The following TBCD variants were observed in gnomAD, a reference collection of about 807,000 sequenced individuals.
TBCD encodes the protein tubulin folding cofactor D, also known as tubulin-specific chaperone D.
In TBCD, 105 loss-of-function variants were observed where a neutral mutation model predicts 169.3. That is an observed-to-expected ratio of 0.62 (90% CI 0.53 to 0.73). The LOEUF is 0.73. Ranked by LOEUF, TBCD falls within the 30% of genes least tolerant of loss-of-function variation. The pLI is 0.00. For missense variants in TBCD, 1,444 were observed against 1,600.1 expected (o/e 0.90, Z 1.66); for synonymous variants, 700 against 643.9 (o/e 1.09, Z -1.32).
At position 82,908,739 on chromosome 17, in the gene TBCD, C is replaced by T. The variant is rs62076064; in HGVS notation, c.1984-546C>T. On this transcript the variant is annotated intron_variant, in intron 21 of 38. Coordinates refer to ENST00000355528, the MANE Select transcript of TBCD (RefSeq NM_005993.5). ...GCCATGAACGTGGCCTCCCCACTGA[C>T]GCTGAGCCATGGCTCCCTTTTTTCA... is the stretch of plus-strand genomic sequence containing the variant. Among the ~76,000 whole-genome samples the T allele has an allele frequency of 9.6e-3, 1,456 of 152,290 alleles. 11 individuals are homozygous for T. Among genetic ancestry groups the T allele is most frequent in the Middle Eastern group, 0.02 (6 of 294 alleles).
intron 2 of TBCD, among the ~76,000 whole-genome samples, chr17:82,761,139 T>G (rs1285664383): frequency 6.6e-6 from 1 of 152,148 alleles, no homozygotes; most frequent in Non-Finnish European, 1.5e-5. Context: ...AATTTTTGTA[T>G]TCTGAGTAGA....
intron 11 of TBCD, among the ~76,000 whole-genome samples, chr17:82,808,734 C>A (rs1440009440): frequency 5.4e-5 from 6 of 110,556 alleles, no homozygotes; most frequent in African/African-American, 2.2e-4. Context: ...CAGGGGCCGG[C>A]AGGTGCTGAG....
At chr17:82,839,703 A>T (rs184344461) in intron 13 of TBCD, among the ~76,000 whole-genome samples, 235 of 152,292 alleles carry the variant, frequency 1.5e-3, no homozygotes, top group Admixed American at 4.6e-3. Context: ...ATTTCCAGAT[A>T]AGCTTGTTCA....
At chr17:82,776,584 C>G (rs2048615154) in intron 6 of TBCD, among the ~76,000 whole-genome samples, 2 of 152,192 alleles carry the variant, frequency 1.3e-5, no homozygotes, top group South Asian at 4.1e-4. Context: ...TTTCATGTAA[C>G]TGCTGATGAA....
intron 9 of TBCD, among the ~76,000 whole-genome samples, chr17:82,802,057 C>T (rs8081423): frequency 0.35 from 50,402 of 144,770 alleles, 9,219 homozygotes; most frequent in Non-Finnish European, 0.39. Flanking sequence ...CTGGTGTGGA[C>T]GCGCTGTGGG....
chr17:82,780,659 T>TTTTTTTTTG (rs2048887392), intron 6 of TBCD, among the ~76,000 whole-genome samples: 1 of 149,060 alleles, frequency 6.7e-6, no homozygotes, highest in African/African-American at 2.5e-5. Flanking sequence ...TTTTTTTTTT[T>TTTTTTTTTG]TTTGAGACAG....
chr17:82,850,209 TTGGCTGTGC>T, intron 13 of TBCD, among the ~76,000 whole-genome samples: 1 of 138,536 alleles, frequency 7.2e-6, no homozygotes, highest in African/African-American at 2.8e-5. Flanking sequence ...TGTGCTGTTG[TTGGCTGTGC>T]TGCTGTTGGC....
intron 14 of TBCD, among the ~76,000 whole-genome samples, chr17:82,882,025 C>G (rs2058391403): frequency 6.6e-6 from 1 of 152,284 alleles, no homozygotes; most frequent in Admixed American, 6.5e-5. Context: ...CCCACCCAAC[C>G]TTTGGCCTCT....
intron 23 of TBCD, among the ~76,000 whole-genome samples, chr17:82,919,810 C>T (rs1452444663): frequency 1.3e-5 from 2 of 152,154 alleles, no homozygotes; most frequent in African/African-American, 4.8e-5. Flanking sequence ...GGTCCCTGTC[C>T]TGTGTGCAGG....
chr17:82,893,745 G>A (rs2146462249), intron 17 of TBCD, 113 bp downstream of exon 17: 1 of 767,766 alleles, frequency 1.3e-6, no homozygotes, highest in Non-Finnish European at 2.1e-6. Context: ...TCAATGGAAT[G>A]TAGTTTTTGT....
chr17:82,851,984 T>C (rs2055831313), intron 13 of TBCD, among the ~76,000 whole-genome samples: 1 of 152,190 alleles, frequency 6.6e-6, no homozygotes, highest in African/African-American at 2.4e-5. Flanking sequence ...ATAGGATTTT[T>C]AATGATTTTG....
intron 13 of TBCD, among the ~76,000 whole-genome samples, chr17:82,862,897 G>A (rs964098504): frequency 6.6e-6 from 1 of 152,222 alleles, no homozygotes; most frequent in African/African-American, 2.4e-5. Context: ...CGAGGTGGCT[G>A]CCGGCGTGCG....
At position 82,831,023 on chromosome 17, in the gene TBCD, C is replaced by T. The variant is rs76229161; in HGVS notation, c.1318+16089C>T. ...TTGAAAATGACATTTTCTTACCTTA[C>T]TGGAGACTCTGCTGTGGTCTCAGCA... On this transcript the variant is annotated intron_variant, in intron 13 of 38. Coordinates refer to ENST00000355528, the MANE Select transcript of TBCD (RefSeq NM_005993.5). This position sits in a 1 kb window ranked among gnomAD's most constrained non-coding sequence, Gnocchi z 4.6. The T allele has an allele frequency of 5.2e-3, 8,440 of 1,614,118 alleles. 399 individuals carry two copies. The African/African-American group carries it at 0.098, about 19-fold the overall frequency.
rs1022475903 is a variant in TBCD, at chr17:82,942,765, A to G, written c.*302A>G. On this transcript the variant is annotated 3_prime_UTR_variant, in exon 39 of 39. Coordinates refer to ENST00000355528, the MANE Select transcript of TBCD (RefSeq NM_005993.5). Reference sequence around the variant, plus strand: ...GGGGTGATGGAAAGGCTCACTGCCCAGGGGTCAGCCAGAGGGGAGGTGGGC... The same window carrying G: ...GGGGTGATGGAAAGGCTCACTGCCCGGGGGTCAGCCAGAGGGGAGGTGGGC... 2 of 509,052 alleles carry G rather than the reference A, an allele frequency of 3.9e-6. No individual in the cohort carries two copies. Among genetic ancestry groups the G allele is most frequent in the Non-Finnish European group, 7.0e-6 (2 of 286,956 alleles). The allele number at this position is 509,052 out of a possible 1,614,324, so 31.5% of individuals were successfully genotyped here. A position where few individuals can be genotyped will look rare whatever the true frequency, so the allele number is the denominator to read the frequency against.
chr17:82,759,962 C>T (rs2047669372), intron 2 of TBCD, among the ~76,000 whole-genome samples: 1 of 148,360 alleles, frequency 6.7e-6, no homozygotes, highest in Non-Finnish European at 1.5e-5. Flanking sequence ...TCTTGGCTTA[C>T]TGCAACCTCC....
chr17:82,921,657 C>G, intron 25 of TBCD, 80 bp downstream of exon 25: 5 of 1,345,756 alleles, frequency 3.7e-6, no homozygotes, highest in Non-Finnish European at 5.3e-6. Context: ...GTGTTGGCGA[C>G]TGTGCATCAT....
In TBCD at chr17:82,911,781, G is replaced by C; in HGVS notation, c.2030G>C (p.Arg677Thr). 6.2e-7 allele frequency: 1 copy of C among 1,613,914 alleles called. No homozygotes were observed. The highest frequency in any genetic ancestry group is 8.5e-7 in the Non-Finnish European group (1 of 1,179,868). ...AGGGGTCTGGGAGGACAGCTCATGAGACAAGCAGGTAAGTCTGAAGGCCTT... is the reference window on the plus strand; with the variant it reads ...AGGGGTCTGGGAGGACAGCTCATGACACAAGCAGGTAAGTCTGAAGGCCTT... ...LYRGLGGQLMRQAVCVLIEKL... is the reference protein window; with the variant it reads ...LYRGLGGQLMTQAVCVLIEKL... The change falls in exon 23 of 39, where the codon AGA becomes ACA. Residue 677 changes from arginine to threonine, a missense_variant. By Grantham distance (71) the Arg-to-Thr change is moderately conservative. Transcript: ENST00000355528.
intron 17 of TBCD, among the ~76,000 whole-genome samples, chr17:82,899,338 G>A (rs895780376): frequency 2.2e-4 from 33 of 151,016 alleles, no homozygotes; most frequent in East Asian, 2.2e-3. Flanking sequence ...TCCTCAGCTC[G>A]TGTCCTCAGT....
intron 7 of TBCD, among the ~76,000 whole-genome samples, chr17:82,783,172 T>C (rs958028831): frequency 6.6e-6 from 1 of 152,136 alleles, no homozygotes; most frequent in African/African-American, 2.4e-5. Context: ...TCCTCCTCAA[T>C]GTCTGCTGCT....
Sources: allele counts gnomAD v4.1 joint callset (sites outside exome capture counted in the v4.1 genomes callset), GRCh38; gene constraint gnomAD v4.1.1; non-coding constraint Gnocchi (gnomAD v3.1); transcripts MANE v1.5; gene names NCBI Gene and HGNC (gene_info 2026-07-23, HGNC 2026-07-21).